Variants in MAP2 observed in about 807,000 individuals in gnomAD.
The protein encoded by MAP2 is microtubule associated protein 2.
Under a neutral mutation model 137.6 loss-of-function variants are expected in MAP2, and 14 were observed. The observed-to-expected ratio is 0.10, with a 90% confidence interval of 0.07 to 0.16. The LOEUF (loss-of-function observed/expected upper bound fraction) is 0.16. Among genes scored for constraint, MAP2 ranks in the 10% least tolerant of loss-of-function variants. The pLI, the probability that MAP2 is intolerant of heterozygous loss-of-function variation, is 1.00. For missense variants in MAP2, 2,088 were observed against 2,191.5 expected (o/e 0.95, Z 0.94); for synonymous variants, 786 against 782.3 (o/e 1.00, Z -0.08).
intron 1 of MAP2, among the ~76,000 whole-genome samples, chr2:209,459,792 G>C (rs2149575084): frequency 6.6e-6 from 1 of 152,264 alleles, no homozygotes; most frequent in South Asian, 2.1e-4. Context: ...GCAGGCCCTA[G>C]TCTTCATGCC....
At chr2:209,536,723 C>G (rs2066002621) in intron 2 of MAP2, among the ~76,000 whole-genome samples, 1 of 152,054 alleles carries the variant, frequency 6.6e-6, no homozygotes, top group Non-Finnish European at 1.5e-5. Flanking sequence ...CACTTTGTGT[C>G]TTAAATTGAG....
In MAP2 at chr2:209,515,995, A is replaced by T. The variant is rs143562908; in HGVS notation, c.-172+8354A>T. On this transcript the variant is annotated intron_variant, in intron 2 of 15. Coordinates refer to ENST00000682079, the MANE Select transcript of MAP2 (RefSeq NM_001375505.1). ...TTTTTTGCAAAGATGGGGTCTCATT[A>T]TGTTGCCTAGGCTGGTCTCAAGCTC... is the stretch of plus-strand genomic sequence containing the variant. Among the ~76,000 whole-genome samples the T allele has an allele frequency of 7.9e-5, 12 of 151,910 alleles. No individual in the cohort carries two copies. In the East Asian group the frequency reaches 2.3e-3, roughly 30 times the overall value.
intron 13 of MAP2, among the ~76,000 whole-genome samples, chr2:209,712,102 A>G (rs1292273113): frequency 6.6e-6 from 1 of 152,160 alleles, no homozygotes; most frequent in Non-Finnish European, 1.5e-5. Context: ...AGAAAGGCAA[A>G]AAGAATGGTT....
At chr2:209,436,450 A>G (rs1249774477) in intron 1 of MAP2, among the ~76,000 whole-genome samples, 1 of 151,666 alleles carries the variant, frequency 6.6e-6, no homozygotes, top group Non-Finnish European at 1.5e-5. Flanking sequence ...TCATGTTCCA[A>G]TAAAATTTTA....
intron 7 of MAP2, among the ~76,000 whole-genome samples, chr2:209,685,662 T>C (rs2056740494): frequency 6.6e-6 from 1 of 152,188 alleles, no homozygotes; most frequent in Non-Finnish European, 1.5e-5. Context: ...CTTTTTCCAC[T>C]AGATCTTTCA....
chr2:209,573,378 C>A (rs2074763569), intron 2 of MAP2, among the ~76,000 whole-genome samples: 1 of 148,558 alleles, frequency 6.7e-6, no homozygotes, highest in Admixed American at 6.7e-5. Flanking sequence ...ACCACAACCT[C>A]CGCCTCCTGG....
intron 1 of MAP2, among the ~76,000 whole-genome samples, chr2:209,503,661 A>G (rs1015693935): frequency 6.6e-6 from 1 of 152,144 alleles, no homozygotes; most frequent in African/African-American, 2.4e-5. Flanking sequence ...TATTGAAGAG[A>G]CTATCCTTTC....
At chr2:209,469,725 C>T (rs1000059755) in intron 1 of MAP2, among the ~76,000 whole-genome samples, 1 of 152,144 alleles carries the variant, frequency 6.6e-6, no homozygotes, top group African/African-American at 2.4e-5. Flanking sequence ...GCCTTGGTTC[C>T]TACTCAGGCT....
At chr2:209,616,520 G>A (rs1216265222) in intron 3 of MAP2, among the ~76,000 whole-genome samples, 2 of 151,996 alleles carry the variant, frequency 1.3e-5, no homozygotes, top group Admixed American at 1.3e-4. Flanking sequence ...CATTAAGCAG[G>A]GTATAGCAAG....
chr2:209,691,149 T>C (rs529451566), intron 7 of MAP2, among the ~76,000 whole-genome samples: 338 of 146,012 alleles, frequency 2.3e-3, no homozygotes, highest in Middle Eastern at 6.8e-3. Flanking sequence ...CCGCCCCCCC[T>C]CATCTCAAAT....
chr2:209,548,730 T>C (rs1428643909), intron 2 of MAP2, among the ~76,000 whole-genome samples: 4 of 152,282 alleles, frequency 2.6e-5, no homozygotes, highest in Middle Eastern at 3.4e-3. Flanking sequence ...TCTCCCGTGC[T>C]CTTCTTGTAA....
intron 1 of MAP2, among the ~76,000 whole-genome samples, chr2:209,476,928 A>G (rs1314431248): frequency 6.6e-6 from 1 of 152,170 alleles, no homozygotes; most frequent in African/African-American, 2.4e-5. Context: ...TCCTAATTGA[A>G]TTCAGTTAAG....
intron 2 of MAP2, among the ~76,000 whole-genome samples, chr2:209,555,783 C>A (rs1173018832): frequency 6.6e-6 from 1 of 152,040 alleles, no homozygotes; most frequent in Non-Finnish European, 1.5e-5. Context: ...GAAAACCAAG[C>A]GATATTTAAT....
chr2:209,700,643 T>C (rs929418878), intron 11 of MAP2, among the ~76,000 whole-genome samples: 1 of 152,158 alleles, frequency 6.6e-6, no homozygotes, highest in Non-Finnish European at 1.5e-5. Flanking sequence ...TTTCATAGAA[T>C]CAAATTAAAC....
rs1005198595 is a variant in MAP2 at position 209,705,402 on chromosome 2, C to T, written c.4585-178C>T. The T allele has an allele frequency of 9.7e-6, 4 of 412,466 alleles. No individual in the cohort carries two copies. In the East Asian group the frequency reaches 1.5e-4, roughly 16 times the overall value. The allele number at this position is 412,466 out of a possible 1,614,324, so 25.6% of individuals were successfully genotyped here. A position where few individuals can be genotyped will look rare whatever the true frequency, so the allele number is the denominator to read the frequency against. On this transcript the variant is annotated intron_variant, in intron 11 of 15. Coordinates refer to ENST00000682079, the MANE Select transcript of MAP2 (RefSeq NM_001375505.1). ...AATGTATTTTTACAAAACATCTAGG[C>T]AAATATGCACTCTTTCTAAGTTATA...
At chr2:209,518,461 G>A (rs550402988) in intron 2 of MAP2, among the ~76,000 whole-genome samples, 1 of 152,044 alleles carries the variant, frequency 6.6e-6, no homozygotes, top group South Asian at 2.1e-4. Context: ...TCTTGAAAGG[G>A]GTCTATGGAA....
rs1240453677 is a variant in MAP2 at position 209,731,916 on chromosome 2, G to C, written c.*1519G>C. 1 of 152,012 alleles carries C rather than the reference G, an allele frequency of 6.6e-6. No individual in the cohort carries two copies. The highest frequency in any genetic ancestry group is 1.5e-5 in the Non-Finnish European group (1 of 68,004). 9.4% of individuals were successfully genotyped at this position (152,012 alleles called of 1,614,324 possible). ...TGTGATCTAGTATTATTTATCAGTAGATAATACTGTTCTGACTGTATATAC... is the reference window on the plus strand; with the variant it reads ...TGTGATCTAGTATTATTTATCAGTACATAATACTGTTCTGACTGTATATAC... On this transcript the variant is annotated 3_prime_UTR_variant, in exon 16 of 16. Coordinates refer to ENST00000682079, the MANE Select transcript of MAP2 (RefSeq NM_001375505.1).
chr2:209,570,363 T>C (rs905242083), intron 2 of MAP2, among the ~76,000 whole-genome samples: 2 of 151,898 alleles, frequency 1.3e-5, no homozygotes, highest in African/African-American at 4.8e-5. Flanking sequence ...GAATTTCTGC[T>C]CTACCACTTA....
chr2:209,577,292 C>T (rs1032209755), intron 2 of MAP2, among the ~76,000 whole-genome samples: 1 of 151,570 alleles, frequency 6.6e-6, no homozygotes, highest in African/African-American at 2.4e-5. Context: ...GTGATTATTA[C>T]CTGTGGTAGT....
Sources: gnomAD v4.1 joint callset for allele counts (sites outside exome capture counted in the v4.1 genomes callset) on GRCh38, gnomAD v4.1.1 for gene constraint, MANE v1.5 for transcripts, NCBI Gene and HGNC (gene_info 2026-07-23, HGNC 2026-07-21) for gene names.